The following DPP10 variants were observed in gnomAD, a reference collection of about 807,000 sequenced individuals.
DPP10 encodes the protein inactive dipeptidyl peptidase 10.
In DPP10, 33 loss-of-function variants were observed where a neutral mutation model predicts 120.9. The observed-to-expected ratio is 0.27, with a 90% CI of 0.21 to 0.37. The LOEUF is 0.37. Among genes scored for constraint, DPP10 ranks in the 10% least tolerant of loss-of-function variants. The probability of loss-of-function intolerance (pLI) is 1.00; values close to 1 mark genes in which losing one functional copy is unlikely to be tolerated. For missense variants in DPP10, 816 were observed against 942.8 expected (o/e 0.87, Z 1.76); for synonymous variants, 337 against 326.1 (o/e 1.03, Z -0.36).
intron 7 of DPP10, among the ~76,000 whole-genome samples, chr2:115,705,609 C>T (rs1375612190): frequency 6.6e-6 from 1 of 151,904 alleles, no homozygotes; most frequent in African/African-American, 2.4e-5. Flanking sequence ...GCAGGGAAAC[C>T]ACTAGGGAGT....
chr2:114,480,740 G>A (rs1298270073), intron 1 of DPP10, among the ~76,000 whole-genome samples: 1 of 151,406 alleles, frequency 6.6e-6, no homozygotes, highest in Non-Finnish European at 1.5e-5. Flanking sequence ...ATAGCATTGG[G>A]AGATATACCT....
intron 19 of DPP10, among the ~76,000 whole-genome samples, chr2:115,797,388 C>T (rs1449130968): frequency 6.6e-6 from 1 of 152,010 alleles, no homozygotes; most frequent in East Asian, 1.9e-4. Flanking sequence ...TAACTTCCAA[C>T]ATCATTTGAT....
chr2:115,180,950 G>A (rs1442853409), intron 1 of DPP10, among the ~76,000 whole-genome samples: 2 of 96,990 alleles, frequency 2.1e-5, no homozygotes, highest in African/African-American at 5.6e-5. Context: ...AAGCAAAAAA[G>A]CAACAGGAAA....
intron 1 of DPP10, among the ~76,000 whole-genome samples, chr2:115,175,891 A>C: frequency 6.6e-6 from 1 of 152,250 alleles, no homozygotes; most frequent in Non-Finnish European, 1.5e-5. Flanking sequence ...ACACTATCCA[A>C]ACTTTAATGT....
intron 1 of DPP10, among the ~76,000 whole-genome samples, chr2:114,942,320 T>TACAC (rs1194601135): frequency 5.6e-5 from 7 of 123,980 alleles, no homozygotes; most frequent in African/African-American, 1.2e-4. Context: ...TATATATATA[T>TACAC]ACACACACAT....
At chr2:115,156,481 A>G (rs2051920989) in intron 1 of DPP10, among the ~76,000 whole-genome samples, 1 of 152,216 alleles carries the variant, frequency 6.6e-6, no homozygotes, top group Non-Finnish European at 1.5e-5. Flanking sequence ...GGAAGTGTTA[A>G]AAAAGATGAA....
intron 1 of DPP10, among the ~76,000 whole-genome samples, chr2:114,515,154 C>T (rs115267065): frequency 3.2e-3 from 484 of 152,298 alleles, no homozygotes; most frequent in African/African-American, 0.01. Context: ...TTTCCAATTT[C>T]ATCTCACGAT....
At chr2:115,286,513 AATATATATATATAATATATAT>A (rs2060394084) in intron 1 of DPP10, among the ~76,000 whole-genome samples, 1 of 38,542 alleles carries the variant, frequency 2.6e-5, no homozygotes, top group Non-Finnish European at 6.2e-5. Context: ...TTACATATAT[AATATATATATATAATATATAT>A]ATATATAAAA....
chr2:114,667,474 A>G (rs1045417333), intron 1 of DPP10, among the ~76,000 whole-genome samples: 3 of 152,216 alleles, frequency 2.0e-5, no homozygotes. Context: ...GTTTATATGA[A>G]TATAACTGAC....
chr2:115,471,735 C>T (rs748714038), intron 3 of DPP10, among the ~76,000 whole-genome samples: 12 of 151,772 alleles, frequency 7.9e-5, no homozygotes, highest in East Asian at 2.0e-4. Context: ...CACAGGCATA[C>T]GCTACCATGC....
At chr2:115,334,530 A>G (rs1273674265) in intron 2 of DPP10, among the ~76,000 whole-genome samples, 1 of 151,822 alleles carries the variant, frequency 6.6e-6, no homozygotes, top group African/African-American at 2.4e-5. Flanking sequence ...TAAAGTCAAC[A>G]TAGTTAAATA....
chr2:115,665,526 CA>C (rs1457756942), intron 5 of DPP10, among the ~76,000 whole-genome samples: 1 of 152,102 alleles, frequency 6.6e-6, no homozygotes, highest in Non-Finnish European at 1.5e-5. Context: ...CTTATTGCAA[CA>C]TACAGAAAAT....
intron 1 of DPP10, among the ~76,000 whole-genome samples, chr2:114,449,486 T>C (rs1003488820): frequency 1.3e-5 from 2 of 149,988 alleles, no homozygotes; most frequent in South Asian, 2.1e-4. Context: ...TTTTTTTTTA[T>C]AGTTACCACT....
At chr2:115,642,684 A>G (rs559554588) in intron 5 of DPP10, among the ~76,000 whole-genome samples, 1 of 151,808 alleles carries the variant, frequency 6.6e-6, no homozygotes, top group Non-Finnish European at 1.5e-5. Context: ...CCCTCTCAGT[A>G]TCTCATACAC....
At chr2:115,318,452 T>C (rs951530767) in intron 2 of DPP10, among the ~76,000 whole-genome samples, 11 of 152,146 alleles carry the variant, frequency 7.2e-5, no homozygotes, top group Non-Finnish European at 1.3e-4. Context: ...TTTTTATTTC[T>C]GCAAGAAAGC....
chr2:114,847,877 C>T (rs577028673), intron 1 of DPP10, among the ~76,000 whole-genome samples: 1 of 152,168 alleles, frequency 6.6e-6, no homozygotes, highest in Admixed American at 6.6e-5. Flanking sequence ...GGCAAACAGA[C>T]CTTGCGTGTA....
At chr2:115,054,492 G>T (rs1705745091) in intron 1 of DPP10, among the ~76,000 whole-genome samples, 1 of 152,070 alleles carries the variant, frequency 6.6e-6, no homozygotes, top group African/African-American at 2.4e-5. Flanking sequence ...TGCACTGTTG[G>T]GTTCATTTTT....
At chr2:115,043,847 AT>A (rs1323835313) in intron 1 of DPP10, among the ~76,000 whole-genome samples, 1 of 152,156 alleles carries the variant, frequency 6.6e-6, no homozygotes, top group Non-Finnish European at 1.5e-5. Flanking sequence ...TCAGTTATAT[AT>A]TTTAACAGGT....
rs543696263 is a variant in DPP10 at position 114,834,841 on chromosome 2, C to A, written c.60+392003C>A. 2.0e-4 allele frequency among the ~76,000 whole-genome samples: 27 copies of A among 134,506 alleles called. 1 individual carries two copies. The highest frequency in any genetic ancestry group is 9.5e-4 in the African/African-American group (26 of 27,458). 88.2% of individuals were successfully genotyped at this position (134,506 alleles called of 152,430 possible). On this transcript the variant is annotated intron_variant, in intron 1 of 25. Coordinates refer to ENST00000410059, the MANE Select transcript of DPP10 (RefSeq NM_020868.6). ...GTCTACACACCTATGTATATATAAG[C>A]CATGTCTACACACCTATGTATATAA...
Sources: gnomAD v4.1 joint callset for allele counts (sites outside exome capture counted in the v4.1 genomes callset) on GRCh38, gnomAD v4.1.1 for gene constraint, MANE v1.5 for transcripts, NCBI Gene and HGNC (gene_info 2026-07-23, HGNC 2026-07-21) for gene names.